The following PTPRD variants were observed in gnomAD, a reference collection of about 807,000 sequenced individuals.
The protein encoded by PTPRD is protein tyrosine phosphatase receptor type D.
A neutral mutation model predicts 214.5 loss-of-function variants in PTPRD; 34 were observed. The observed-to-expected ratio is 0.16, with a 90% CI of 0.12 to 0.21. The LOEUF (loss-of-function observed/expected upper bound fraction) is 0.21. Ranked by LOEUF, PTPRD falls within the 10% of genes least tolerant of loss-of-function variation. The pLI is 1.00. For missense variants in PTPRD, 2,545 were observed against 2,398.7 expected (o/e 1.06, Z -1.27); for synonymous variants, 1,128 against 845.7 (o/e 1.33, Z -5.79).
intron 8 of PTPRD, among the ~76,000 whole-genome samples, chr9:9,535,440 G>C (rs1381340786): frequency 6.6e-6 from 1 of 152,058 alleles, no homozygotes; most frequent in African/African-American, 2.4e-5. Flanking sequence ...TGTTAGTTTG[G>C]TGTTTGATAG....
chr9:9,805,554 A>G (rs911739692), intron 5 of PTPRD, among the ~76,000 whole-genome samples: 43 of 152,214 alleles, frequency 2.8e-4, no homozygotes, highest in African/African-American at 1.0e-3. Context: ...ATAAAAAAGT[A>G]AATTTGAATA....
intron 3 of PTPRD, among the ~76,000 whole-genome samples, chr9:10,096,175 A>G (rs1007104769): frequency 6.6e-6 from 1 of 151,688 alleles, no homozygotes; most frequent in Non-Finnish European, 1.5e-5. Context: ...CTTCTACGGT[A>G]CACTACTAGA....
intron 9 of PTPRD, among the ~76,000 whole-genome samples, chr9:9,209,041 C>T (rs1204953963): frequency 6.6e-6 from 1 of 151,976 alleles, no homozygotes; most frequent in Non-Finnish European, 1.5e-5. Context: ...ATCTCCTGAC[C>T]TCGTGATCGG....
At chr9:8,718,576 T>A (rs185625748) in intron 12 of PTPRD, among the ~76,000 whole-genome samples, 23 of 152,326 alleles carry the variant, frequency 1.5e-4, no homozygotes, top group African/African-American at 5.1e-4. Flanking sequence ...ACACCATAGT[T>A]GAATAGACTT....
chr9:8,615,462 C>T (rs984562462), intron 14 of PTPRD, among the ~76,000 whole-genome samples: 1 of 152,158 alleles, frequency 6.6e-6, no homozygotes, highest in Admixed American at 6.6e-5. Context: ...TTCATTTGTC[C>T]TCTTAGGTGT....
chr9:8,538,475 C>G (rs928265498), intron 14 of PTPRD, among the ~76,000 whole-genome samples: 6 of 151,486 alleles, frequency 4.0e-5, no homozygotes, highest in African/African-American at 1.2e-4. Flanking sequence ...GGTTTCTTCA[C>G]CATATTTTGG....
chr9:9,736,993 A>C (rs544246909), intron 6 of PTPRD, among the ~76,000 whole-genome samples: 13 of 152,166 alleles, frequency 8.5e-5, no homozygotes, highest in African/African-American at 3.1e-4. Flanking sequence ...TAAAATAATC[A>C]TATATACACA....
At chr9:9,311,496 G>A (rs1228958603) in intron 9 of PTPRD, among the ~76,000 whole-genome samples, 1 of 152,040 alleles carries the variant, frequency 6.6e-6, no homozygotes, top group Non-Finnish European at 1.5e-5. Context: ...AAGTTTTGAA[G>A]GTCTAATAAT....
intron 3 of PTPRD, among the ~76,000 whole-genome samples, chr9:10,040,024 C>T (rs144223210): frequency 2.0e-5 from 3 of 152,020 alleles, no homozygotes; most frequent in East Asian, 1.9e-4. Flanking sequence ...AAGGCATGCA[C>T]GTTGTTTTCA....
chr9:9,399,621 C>T (rs1025469704), intron 8 of PTPRD, among the ~76,000 whole-genome samples: 4 of 151,934 alleles, frequency 2.6e-5, no homozygotes, highest in African/African-American at 9.7e-5. Context: ...GGTAGAGATC[C>T]AGTGAGAAGT....
At chr9:9,309,194 G>C (rs1364570479) in intron 9 of PTPRD, among the ~76,000 whole-genome samples, 1 of 151,346 alleles carries the variant, frequency 6.6e-6, no homozygotes, top group Non-Finnish European at 1.5e-5. Flanking sequence ...TTGGTGCCCT[G>C]TTCCTGCCTG....
At chr9:10,208,493 G>C (rs553823325) in intron 3 of PTPRD, among the ~76,000 whole-genome samples, 4 of 152,326 alleles carry the variant, frequency 2.6e-5, no homozygotes, top group South Asian at 4.1e-4. Context: ...CAGCCTGGGC[G>C]ACAGAGCGAG....
intron 14 of PTPRD, among the ~76,000 whole-genome samples, chr9:8,581,287 T>C (rs575027909): frequency 4.6e-5 from 7 of 151,684 alleles, no homozygotes; most frequent in African/African-American, 1.7e-4. Flanking sequence ...AAGCAGAAAT[T>C]AGCAATAGGT....
chr9:8,479,087 A>AGAAATTAG (rs2096827616), intron 30 of PTPRD, among the ~76,000 whole-genome samples: 1 of 152,244 alleles, frequency 6.6e-6, no homozygotes, highest in African/African-American at 2.4e-5. Context: ...CTGAATAAAA[A>AGAAATTAG]GCTACAACCT....
At chr9:8,793,057 T>C (rs540851629) in intron 11 of PTPRD, among the ~76,000 whole-genome samples, 31 of 152,290 alleles carry the variant, frequency 2.0e-4, no homozygotes, top group Admixed American at 1.7e-3. Flanking sequence ...TGTAGCGCTT[T>C]AGCGGCAAAC....
At chr9:9,193,227 T>C (rs2099936313) in intron 9 of PTPRD, among the ~76,000 whole-genome samples, 1 of 152,172 alleles carries the variant, frequency 6.6e-6, no homozygotes, top group Admixed American at 6.6e-5. Context: ...ATCACTGATA[T>C]GGAGTAATGA....
chr9:10,198,250 C>T (rs1404952190), intron 3 of PTPRD, among the ~76,000 whole-genome samples: 2 of 152,060 alleles, frequency 1.3e-5, no homozygotes, highest in Non-Finnish European at 2.9e-5. Context: ...CACAGAAATG[C>T]ATCACTATAT....
chr9:9,650,012 G>C (rs995177424), intron 7 of PTPRD, among the ~76,000 whole-genome samples: 2 of 152,096 alleles, frequency 1.3e-5, no homozygotes, highest in Non-Finnish European at 2.9e-5. Flanking sequence ...GATATGGTTT[G>C]GTTCTGTGTC....
intron 39 of PTPRD, among the ~76,000 whole-genome samples, chr9:8,345,543 G>A (rs776121546): frequency 6.6e-6 from 1 of 152,018 alleles, no homozygotes; most frequent in African/African-American, 2.4e-5. Flanking sequence ...CACTAGTCAA[G>A]GGAGTATGGG....
Sources: allele counts gnomAD v4.1 joint callset (sites outside exome capture counted in the v4.1 genomes callset), GRCh38; gene constraint gnomAD v4.1.1; transcripts MANE v1.5; gene names NCBI Gene and HGNC (gene_info 2026-07-23, HGNC 2026-07-21).